The following ALDH1L2 variants were observed in gnomAD, a reference collection of about 807,000 sequenced individuals.
The protein encoded by ALDH1L2 is aldehyde dehydrogenase 1 family member L2.
In ALDH1L2, 91 loss-of-function variants were observed where a neutral mutation model predicts 111.0. The observed-to-expected ratio is 0.82, with a 90% CI of 0.69 to 0.98. The LOEUF is 0.98. Among genes scored for constraint, ALDH1L2 ranks in the 50% least tolerant of loss-of-function variants. The pLI is 0.00. For missense variants in ALDH1L2, 995 were observed against 1,126.8 expected (o/e 0.88, Z 1.67); for synonymous variants, 374 against 392.6 (o/e 0.95, Z 0.56).
At chr12:105,048,785 C>A (rs1876072777) in intron 13 of ALDH1L2, 1 of 152,100 alleles carries the variant, frequency 6.6e-6, no homozygotes. Flanking sequence ...AATCCCAGCA[C>A]TTTGGGAGGC....
rs1466638001 is a variant in ALDH1L2 at position 105,063,252 on chromosome 12, A to G, written c.787-230T>C. ...AGCACTTTGGGAGGCAGAGGCAGGC[A>G]GATCACGAGGTCAGGAGATCGAGAC... On this transcript the variant is annotated intron_variant, in intron 6 of 22. Transcript: ENST00000258494. Among the ~76,000 whole-genome samples the G allele has an allele frequency of 3.3e-5, 5 of 152,190 alleles. No homozygotes were observed. The East Asian group carries it at 9.6e-4, about 29-fold the overall frequency.
chr12:105,031,609 T>C (rs1341034892), intron 20 of ALDH1L2, among the ~76,000 whole-genome samples, 160 bp downstream of exon 20: 1 of 152,204 alleles, frequency 6.6e-6, no homozygotes, highest in African/African-American at 2.4e-5. Context: ...GTGATTCTTG[T>C]GCCTCAGCCT....
At chr12:105,072,538 C>CA (rs1320622207) in intron 2 of ALDH1L2, 3 of 151,924 alleles carry the variant, frequency 2.0e-5, no homozygotes, top group Non-Finnish European at 4.4e-5. Flanking sequence ...ATAAGATGTT[C>CA]AAAAAACTTA....
Position 105,024,292 on chromosome 12 carries a change from C to T in ALDH1L2, c.*132G>A. ...TGTAAATGCTTTAACATGGCCTGGCCCTCTTCATGGTCCATCTGTGTATTT... is the reference window on the plus strand; with the variant it reads ...TGTAAATGCTTTAACATGGCCTGGCTCTCTTCATGGTCCATCTGTGTATTT... On this transcript the variant is annotated 3_prime_UTR_variant, in exon 23 of 23. Transcript: ENST00000258494. 1 of 919,790 alleles carries T rather than the reference C, an allele frequency of 1.1e-6. No individual in the cohort carries two copies. The highest frequency in any genetic ancestry group is 1.6e-5 in the African/African-American group (1 of 61,260). The allele number at this position is 919,790 out of a possible 1,614,324, so 57.0% of individuals were successfully genotyped here.
intron 22 of ALDH1L2, 36 bp downstream of exon 22, chr12:105,026,509 A>T: frequency 6.2e-7 from 1 of 1,611,420 alleles, no homozygotes; most frequent in Non-Finnish European, 8.5e-7. Context: ...TGATGTGACA[A>T]CAAAGGGAAG....
intron 19 of ALDH1L2, among the ~76,000 whole-genome samples, chr12:105,032,245 T>A (rs1874752238): frequency 6.7e-6 from 1 of 149,710 alleles, no homozygotes; most frequent in African/African-American, 2.5e-5. Context: ...TGGTGTGATC[T>A]TGGCTCACTG....
At chr12:105,079,935 C>T (rs966091905) in intron 1 of ALDH1L2, among the ~76,000 whole-genome samples, 6 of 152,178 alleles carry the variant, frequency 3.9e-5, no homozygotes, top group East Asian at 3.9e-4. Flanking sequence ...TAATATTATG[C>T]GTAATGTTCC....
intron 6 of ALDH1L2, 79 bp downstream of exon 6, chr12:105,065,188 A>T (rs1338879136): frequency 2.9e-5 from 24 of 841,108 alleles, no homozygotes; most frequent in Non-Finnish European, 5.5e-6. Flanking sequence ...AACCATGGGA[A>T]GCCCAGATTT....
chr12:105,035,823 GTCTATA>G (rs1874953630), intron 18 of ALDH1L2, among the ~76,000 whole-genome samples: 1 of 97,848 alleles, frequency 1.0e-5, no homozygotes, highest in African/African-American at 5.0e-5. Flanking sequence ...TATATAGTGT[GTCTATA>G]TATATATATA....
chr12:105,073,304 C>T (rs923772755), intron 2 of ALDH1L2, among the ~76,000 whole-genome samples: 1 of 152,174 alleles, frequency 6.6e-6, no homozygotes, highest in Non-Finnish European at 1.5e-5. Context: ...CACGCTGTTA[C>T]CCACATGCTG....
chr12:105,041,820 G>T (rs1432527681), intron 15 of ALDH1L2, among the ~76,000 whole-genome samples: 4 of 152,056 alleles, frequency 2.6e-5, no homozygotes, highest in Admixed American at 6.6e-5. Context: ...TCTAGATTTG[G>T]CTGAGGCAGT....
At chr12:105,069,019 A>G (rs1877534263) in intron 3 of ALDH1L2, 135 bp from the exon 4 acceptor site, 1 of 821,674 alleles carries the variant, frequency 1.2e-6, no homozygotes, top group South Asian at 3.7e-5. Flanking sequence ...AATTAACAGT[A>G]GAACTGGGAG....
intron 17 of ALDH1L2, 66 bp from the exon 18 acceptor site, chr12:105,038,268 A>G (rs1404699126): frequency 1.7e-6 from 1 of 585,332 alleles, no homozygotes; most frequent in Non-Finnish European, 2.8e-6. Flanking sequence ...TCTCACACAC[A>G]CACACACACA....
intron 21 of ALDH1L2, among the ~76,000 whole-genome samples, chr12:105,028,323 G>A (rs1356261722): frequency 6.6e-6 from 1 of 152,106 alleles, no homozygotes; most frequent in Admixed American, 6.5e-5. Flanking sequence ...ATGTTGGCCA[G>A]GCTGGTCTTG....
chr12:105,037,284 G>A (rs1269823077), intron 18 of ALDH1L2, among the ~76,000 whole-genome samples: 1 of 152,180 alleles, frequency 6.6e-6, no homozygotes, highest in Non-Finnish European at 1.5e-5. Flanking sequence ...ACAAGGTGTT[G>A]CAAAAATAAT....
chr12:105,071,166 A>G (rs1224638274), intron 2 of ALDH1L2, among the ~76,000 whole-genome samples: 1 of 152,214 alleles, frequency 6.6e-6, no homozygotes, highest in Non-Finnish European at 1.5e-5. Flanking sequence ...CCACCAATTT[A>G]ACATACTCAC....
chr12:105,028,523 C>T (rs909104771), intron 21 of ALDH1L2, among the ~76,000 whole-genome samples: 5 of 152,140 alleles, frequency 3.3e-5, no homozygotes, highest in Admixed American at 1.3e-4. Context: ...CAGTGTAGTG[C>T]CTTATGAAGG....
chr12:105,024,560 G>A (rs1272577489), intron 22 of ALDH1L2, 81 bp from the exon 23 acceptor site: 18 of 1,382,482 alleles, frequency 1.3e-5, no homozygotes, highest in South Asian at 5.9e-5. Flanking sequence ...ATAGGTATAC[G>A]TAGGTGTCCA....
intron 1 of ALDH1L2, among the ~76,000 whole-genome samples, chr12:105,082,374 C>G (rs1376823640): frequency 2.0e-5 from 3 of 152,188 alleles, no homozygotes; most frequent in Admixed American, 2.0e-4. Context: ...CTCCTATCTC[C>G]AGCTCCAGAC....
Sources: allele counts gnomAD v4.1 joint callset (sites outside exome capture counted in the v4.1 genomes callset), GRCh38; gene constraint gnomAD v4.1.1; transcripts MANE v1.5; gene names NCBI Gene and HGNC (gene_info 2026-07-23, HGNC 2026-07-21).